Variants in MRE11 observed in about 807,000 individuals in gnomAD.
The protein encoded by MRE11 is double-strand break repair protein MRE11.
Under a neutral mutation model 91.7 loss-of-function variants are expected in MRE11, and 62 were observed. The observed-to-expected ratio is 0.68, with a 90% CI of 0.55 to 0.84. MRE11 has a LOEUF of 0.84. Ranked by LOEUF, MRE11 falls within the 40% of genes least tolerant of loss-of-function variation. The probability of loss-of-function intolerance (pLI) is 0.00; values close to 1 mark genes in which losing one functional copy is unlikely to be tolerated. For missense variants in MRE11, 796 were observed against 852.9 expected, an observed-to-expected ratio of 0.93 and a Z score of 0.83; for synonymous variants, 273 against 271.4, an observed-to-expected ratio of 1.01 and a Z score of -0.06.
chr11:94,477,845 G>A (rs1166562131), intron 6 of MRE11, among the ~76,000 whole-genome samples: 4 of 152,170 alleles, frequency 2.6e-5, no homozygotes, highest in Non-Finnish European at 2.9e-5. Context: ...AGTGGGTGGA[G>A]CAAGGAGAAC....
chr11:94,465,493 T>TC (rs1322240996), intron 10 of MRE11, among the ~76,000 whole-genome samples: 1 of 151,660 alleles, frequency 6.6e-6, no homozygotes, highest in Non-Finnish European at 1.5e-5. Context: ...CCTCCCGGGT[T>TC]CAAGCGATTC....
chr11:94,463,990 ATTTG>A (rs1169915002), intron 11 of MRE11, 119 bp downstream of exon 11: 14 of 1,075,236 alleles, frequency 1.3e-5, no homozygotes, highest in East Asian at 1.0e-4. Context: ...CCCACTGTCA[ATTTG>A]TTTAAGACAT....
At chr11:94,449,579 A>G (rs1946040147) in intron 14 of MRE11, among the ~76,000 whole-genome samples, 1 of 152,192 alleles carries the variant, frequency 6.6e-6, no homozygotes, top group Non-Finnish European at 1.5e-5. Flanking sequence ...CCACTTGTGT[A>G]CTTTAAAGTG....
At chr11:94,503,653 G>A in the MRE11 span, among the ~76,000 whole-genome samples, 5 of 150,712 alleles carry the variant, frequency 3.3e-5, no homozygotes, top group Non-Finnish European at 3.0e-5. Context: ...CCAAGATCGC[G>A]CCACTGCACT....
chr11:94,441,317 A>T (rs907274662), intron 16 of MRE11, among the ~76,000 whole-genome samples: 1 of 152,248 alleles, frequency 6.6e-6, no homozygotes, highest in African/African-American at 2.4e-5. Context: ...AGTACGTATC[A>T]AATGACTGGT....
intron 4 of MRE11, among the ~76,000 whole-genome samples, chr11:94,485,070 G>A (rs560224563): frequency 7.2e-5 from 11 of 152,104 alleles, no homozygotes; most frequent in African/African-American, 1.7e-4. Flanking sequence ...AAAATTTGCC[G>A]GGCGTGGTGA....
rs12287588 is a variant in MRE11, at chr11:94,469,864, C to T, written c.1017+607G>A. 7.4e-3 allele frequency among the ~76,000 whole-genome samples: 1,124 copies of T among 152,178 alleles called. 11 individuals are homozygous for T. Among genetic ancestry groups the T allele is most frequent in the African/African-American group, 0.025 (1,026 of 41,518 alleles). ...AGCTGACACAGAGTTAAGAACTGAGCGTCAGCAAGTGATGCTAATTAAGCT... is the reference window on the plus strand; with the variant it reads ...AGCTGACACAGAGTTAAGAACTGAGTGTCAGCAAGTGATGCTAATTAAGCT... On this transcript the variant is annotated intron_variant, in intron 9 of 19. Transcript: ENST00000323929.
At chr11:94,489,816 C>T (rs540054392) in intron 3 of MRE11, among the ~76,000 whole-genome samples, 17 of 152,162 alleles carry the variant, frequency 1.1e-4, no homozygotes, top group Non-Finnish European at 2.2e-4. Flanking sequence ...GTCTCCAACT[C>T]TAAGTTTGTC....
At chr11:94,457,887 T>TCTCTCTCTCTCTCTCA (rs372404360) in intron 13 of MRE11, among the ~76,000 whole-genome samples, 2 of 144,220 alleles carry the variant, frequency 1.4e-5, no homozygotes, top group African/African-American at 5.2e-5. Context: ...TCTCTCTCTC[T>TCTCTCTCTCTCTCTCA]CACACACACA....
chr11:94,424,145 A>C lies in MRE11; in HGVS notation c.2071-3964T>G, dbSNP rs373620032. On this transcript the variant is annotated intron_variant, in intron 19 of 19. Transcript: ENST00000323929. ...CCCACCACAGAGCACGGCTGTGAAC[A>C]CACAGAAATACAAAAGAACTATGCA... 3.7e-4 allele frequency among the ~76,000 whole-genome samples: 57 copies of C among 152,358 alleles called. No individual in the cohort carries two copies. In the South Asian group the frequency reaches 0.012, roughly 32 times the overall value.
chr11:94,477,234 G>T (rs1219641965), intron 6 of MRE11, among the ~76,000 whole-genome samples: 1 of 151,942 alleles, frequency 6.6e-6, no homozygotes, highest in African/African-American at 2.4e-5. Flanking sequence ...AACATGTGCA[G>T]AAATAAATAT....
chr11:94,479,434 G>C (rs576614568), intron 5 of MRE11, among the ~76,000 whole-genome samples: 3 of 152,120 alleles, frequency 2.0e-5, no homozygotes, highest in African/African-American at 7.2e-5. Flanking sequence ...TCCTACTCCT[G>C]GCTTCTTATT....
At chr11:94,421,389 T>C (rs1397284183) in intron 19 of MRE11, among the ~76,000 whole-genome samples, 1 of 152,256 alleles carries the variant, frequency 6.6e-6, no homozygotes, top group Non-Finnish European at 1.5e-5. Context: ...TTCATTTTCA[T>C]TTATTGATTC....
intron 19 of MRE11, among the ~76,000 whole-genome samples, chr11:94,421,686 A>G (rs1945175274): frequency 1.3e-5 from 2 of 152,334 alleles, no homozygotes; most frequent in South Asian, 4.1e-4. Flanking sequence ...TTTAAACCAC[A>G]GCTTAAATAC....
chr11:94,447,504 TTA>T, intron 14 of MRE11, 66 bp from the exon 15 acceptor site: 1 of 1,478,474 alleles, frequency 6.8e-7, no homozygotes, highest in Non-Finnish European at 9.4e-7. Flanking sequence ...AATCATTAAT[TTA>T]GGCATTGACA....
rs587781343 is a variant in MRE11 at position 94,485,994 on chromosome 11, A to G, written c.244T>C (p.Tyr82His). 1.4e-5 allele frequency: 23 copies of G among 1,613,680 alleles called. No individual in the cohort carries two copies. Among genetic ancestry groups the G allele is most frequent in the Non-Finnish European group, 1.5e-5 (18 of 1,179,952 alleles). The change falls in exon 4 of 20, where the codon TAT (tyrosine) becomes CAT (histidine). Residue 82 changes from tyrosine to histidine, a missense_variant. By Grantham distance (83) the Tyr-to-His change is moderately conservative (BLOSUM62 2). Transcript: ENST00000323929. ...LHTCLELLRK[Y>H]CMGDRPVQFE... ...TGGACAGGCCGATCACCCATACAAT[A>G]TTTTCTTAATAACTCGAGGCAGGTA...
intron 5 of MRE11, 45 bp downstream of exon 5, chr11:94,479,629 G>T: frequency 6.5e-7 from 1 of 1,530,298 alleles, no homozygotes; most frequent in South Asian, 1.1e-5. Context: ...AAACTAAACT[G>T]ATCATTTCCA....
chr11:94,479,891 A>G, intron 4 of MRE11, 130 bp from the exon 5 acceptor site: 1 of 685,718 alleles, frequency 1.5e-6, no homozygotes, highest in Non-Finnish European at 2.5e-6. Flanking sequence ...CCACTAGTTT[A>G]GAGCTTTAAA....
At chr11:94,495,740 A>C (rs1306908687), upstream of MRE11, among the ~76,000 whole-genome samples, 1 of 152,174 alleles carries the variant, frequency 6.6e-6, no homozygotes. Flanking sequence ...CCTTAGGACT[A>C]GGGGAATTAT....
Sources: gnomAD v4.1 joint callset for allele counts (sites outside exome capture counted in the v4.1 genomes callset) on GRCh38, gnomAD v4.1.1 for gene constraint, MANE v1.5 for transcripts, NCBI Gene and HGNC (gene_info 2026-07-23, HGNC 2026-07-21) for gene names.